Variants in ITGA9 observed in about 807,000 individuals in gnomAD.
The protein encoded by ITGA9 is integrin alpha-9.
In ITGA9, 56 loss-of-function variants were observed where a neutral mutation model predicts 127.8. The observed-to-expected ratio is 0.44, with a 90% CI of 0.35 to 0.55. The LOEUF (loss-of-function observed/expected upper bound fraction) is 0.55. Ranked by LOEUF, ITGA9 falls within the 20% of genes least tolerant of loss-of-function variation. The probability of loss-of-function intolerance (pLI) is 0.00; values close to 1 mark genes in which losing one functional copy is unlikely to be tolerated. For missense variants in ITGA9, 1,196 were observed against 1,347.1 expected (o/e 0.89, Z 1.76); for synonymous variants, 508 against 514.5 (o/e 0.99, Z 0.17).
intron 15 of ITGA9, among the ~76,000 whole-genome samples, chr3:37,619,610 A>C (rs1414123490): frequency 6.6e-6 from 1 of 152,222 alleles, no homozygotes; most frequent in Non-Finnish European, 1.5e-5. Flanking sequence ...AGGCCACTTC[A>C]AAAATTACAA....
intron 23 of ITGA9, among the ~76,000 whole-genome samples, chr3:37,757,443 C>T (rs1696666506): frequency 6.6e-6 from 1 of 151,722 alleles, no homozygotes; most frequent in African/African-American, 2.4e-5. Context: ...CAAGAAGATC[C>T]TTGAGCCTAG....
Position 37,799,890 on chromosome 3 carries a change from C to G in ITGA9, c.2890-3933C>G, listed in dbSNP as rs1403061968. 1.3e-5 allele frequency among the ~76,000 whole-genome samples: 2 copies of G among 152,162 alleles called. No individual in the cohort carries two copies. Among genetic ancestry groups the G allele is most frequent in the African/African-American group, 4.8e-5 (2 of 41,440 alleles). On this transcript the variant is annotated intron_variant, in intron 26 of 27. Transcript: ENST00000264741. The surrounding 1 kb of genome is among the most constrained non-coding windows in gnomAD (Gnocchi z 4.0). ...CTGATCATCAGTGCTTCTTGCCTCT[C>G]CATGTCGTCCATGCTGCTGTTCCTT...
At chr3:37,531,777 C>T (rs565563982) in intron 13 of ITGA9, among the ~76,000 whole-genome samples, 6 of 152,256 alleles carry the variant, frequency 3.9e-5, no homozygotes, top group South Asian at 4.2e-4. Context: ...ATTATGGGAA[C>T]GAGAGGATGA....
At chr3:37,535,219 T>C (rs1277693197) in intron 14 of ITGA9, among the ~76,000 whole-genome samples, 2 of 152,246 alleles carry the variant, frequency 1.3e-5, no homozygotes, top group South Asian at 2.1e-4. Flanking sequence ...AAAGAGTTTC[T>C]ACTATTTTGG....
intron 17 of ITGA9, among the ~76,000 whole-genome samples, chr3:37,663,280 G>C (rs1431160499): frequency 6.6e-6 from 1 of 152,188 alleles, no homozygotes; most frequent in Non-Finnish European, 1.5e-5. Context: ...TGGCAAGTGA[G>C]CTTTAAAAAA....
chr3:37,595,545 TC>T (rs1699861378), intron 15 of ITGA9, among the ~76,000 whole-genome samples: 1 of 152,166 alleles, frequency 6.6e-6, no homozygotes, highest in African/African-American at 2.4e-5. Flanking sequence ...AGCTATGTAA[TC>T]CCTTTATTTT....
chr3:37,623,875 T>C (rs745509214), intron 15 of ITGA9, among the ~76,000 whole-genome samples: 6 of 152,112 alleles, frequency 3.9e-5, no homozygotes, highest in Non-Finnish European at 8.8e-5. Flanking sequence ...ATTATGAGTA[T>C]AGAGATAAAG....
chr3:37,596,405 G>A (rs1699871342), intron 15 of ITGA9, among the ~76,000 whole-genome samples: 1 of 152,168 alleles, frequency 6.6e-6, no homozygotes. Context: ...GCTGGGGGGT[G>A]TTTTCCGACC....
intron 13 of ITGA9, among the ~76,000 whole-genome samples, chr3:37,532,196 A>C (rs1466856020): frequency 6.6e-6 from 1 of 152,214 alleles, no homozygotes; most frequent in Non-Finnish European, 1.5e-5. Flanking sequence ...CCGCAGTTCC[A>C]CTGCCTCTGT....
chr3:37,513,363 C>G (rs1435898642), intron 8 of ITGA9, among the ~76,000 whole-genome samples: 1 of 152,172 alleles, frequency 6.6e-6, no homozygotes, highest in African/African-American at 2.4e-5. Context: ...GGGTATTTCA[C>G]TCTTTGCTAG....
chr3:37,716,700 G>T (rs1054602495), intron 18 of ITGA9, among the ~76,000 whole-genome samples: 1 of 150,758 alleles, frequency 6.6e-6, no homozygotes, highest in African/African-American at 2.4e-5. Context: ...ACTCTATTGA[G>T]ATTGAATTTA....
At chr3:37,734,989 G>A (rs1197761996) in intron 19 of ITGA9, among the ~76,000 whole-genome samples, 1 of 152,206 alleles carries the variant, frequency 6.6e-6, no homozygotes, top group African/African-American at 2.4e-5. Flanking sequence ...GCAGAGACGG[G>A]GCTCCCCGTA....
chr3:37,722,749 T>G (rs1271613997), intron 18 of ITGA9, among the ~76,000 whole-genome samples: 1 of 152,264 alleles, frequency 6.6e-6, no homozygotes, highest in Non-Finnish European at 1.5e-5. Flanking sequence ...TTCCAGTTTT[T>G]GGCTATTACA....
intron 26 of ITGA9, chr3:37,791,049 G>A (rs1160808088): frequency 2.0e-5 from 3 of 152,112 alleles, no homozygotes; most frequent in African/African-American, 7.2e-5. Flanking sequence ...CTGTCTTCGT[G>A]CAGCCATAAA....
intron 18 of ITGA9, among the ~76,000 whole-genome samples, chr3:37,705,604 C>T (rs1027066066): frequency 6.6e-6 from 1 of 152,186 alleles, no homozygotes; most frequent in African/African-American, 2.4e-5. Flanking sequence ...TTTTTCAGCT[C>T]GGGGTTACCA....
At chr3:37,567,867 A>G (rs558120549) in intron 15 of ITGA9, among the ~76,000 whole-genome samples, 3 of 152,180 alleles carry the variant, frequency 2.0e-5, no homozygotes, top group East Asian at 1.9e-4. Flanking sequence ...GGCTGCTTTC[A>G]CTGGCTGGCA....
chr3:37,534,989 G>C (rs1699194511), intron 14 of ITGA9, among the ~76,000 whole-genome samples: 1 of 152,220 alleles, frequency 6.6e-6, no homozygotes, highest in Non-Finnish European at 1.5e-5. Flanking sequence ...TCTGTCCAGT[G>C]CCAGCTCATC....
chr3:37,695,440 G>A (rs1700875095), intron 18 of ITGA9, among the ~76,000 whole-genome samples: 1 of 152,244 alleles, frequency 6.6e-6, no homozygotes. Context: ...GAACTCTTGA[G>A]GTGTTTGTAT....
chr3:37,703,741 C>G (rs1290704760), intron 18 of ITGA9, among the ~76,000 whole-genome samples: 1 of 152,214 alleles, frequency 6.6e-6, no homozygotes, highest in African/African-American at 2.4e-5. Flanking sequence ...AGAGCTGACC[C>G]TTACTGAGAG....
Sources: allele counts gnomAD v4.1 joint callset (sites outside exome capture counted in the v4.1 genomes callset), GRCh38; gene constraint gnomAD v4.1.1; non-coding constraint Gnocchi (gnomAD v3.1); transcripts MANE v1.5; gene names NCBI Gene and HGNC (gene_info 2026-07-23, HGNC 2026-07-21).